The following SAXO1 variants were observed in gnomAD, a reference collection of about 807,000 sequenced individuals.
SAXO1 encodes stabilizer of axonemal microtubules 1, also known as 4930500O09Rik.
In SAXO1, 21 loss-of-function variants were observed where a neutral mutation model predicts 17.5. The ratio of observed to expected loss-of-function variants is 1.20; its 90% CI spans 0.85 to 1.72. The LOEUF (loss-of-function observed/expected upper bound fraction) is 1.72. Ranked by LOEUF, SAXO1 falls within the 40% of genes most tolerant of loss-of-function variation. The probability of loss-of-function intolerance (pLI) is 0.00; values close to 1 mark genes in which losing one functional copy is unlikely to be tolerated. For synonymous variants in SAXO1, 274 were observed against 216.5 expected, an observed-to-expected ratio of 1.27 and a Z score of -2.33; for missense variants, 843 against 596.0, an observed-to-expected ratio of 1.41 and a Z score of -4.32.
At chr9:19,031,146 C>G (rs112795967) in intron 1 of SAXO1, among the ~76,000 whole-genome samples, 3 of 152,382 alleles carry the variant, frequency 2.0e-5, no homozygotes, top group African/African-American at 7.2e-5. Context: ...CTCTGCACCT[C>G]TTAATGAGCA....
At position 18,944,854 on chromosome 9, in the gene SAXO1, T is replaced by A. The variant is rs564736200; in HGVS notation, c.219-3015A>T. Among the ~76,000 whole-genome samples, 13 of 152,372 alleles carry A rather than the reference T, an allele frequency of 8.5e-5. No individual in the cohort carries two copies. In the East Asian group the frequency reaches 9.6e-4, roughly 11 times the overall value. ...ACAAAGGGCCATGCAACACTTTTTT[T>A]AAACCTGTTTTTAATGTTTATTTAT... On this transcript the variant is annotated intron_variant, in intron 2 of 3. Coordinates refer to ENST00000380534, the MANE Select transcript of SAXO1 (RefSeq NM_153707.4).
intron 3 of SAXO1, among the ~76,000 whole-genome samples, chr9:18,930,477 C>G (rs1344671045): frequency 2.0e-5 from 3 of 151,376 alleles, no homozygotes; most frequent in African/African-American, 4.9e-5. Context: ...CCATGTGATT[C>G]AACTGCCTTG....
intron 3 of SAXO1, among the ~76,000 whole-genome samples, chr9:18,933,887 A>G (rs1339147832): frequency 6.6e-6 from 1 of 152,170 alleles, no homozygotes; most frequent in African/African-American, 2.4e-5. Context: ...TCTACTAAAA[A>G]TACAACAAAT....
chr9:18,975,790 C>A (rs1833124713), intron 1 of SAXO1, among the ~76,000 whole-genome samples: 1 of 152,200 alleles, frequency 6.6e-6, no homozygotes, highest in South Asian at 2.1e-4. Context: ...GTAAAACATT[C>A]TTCGACCAAG....
At chr9:19,043,608 A>G (rs1040499484) in intron 1 of SAXO1, among the ~76,000 whole-genome samples, 7 of 152,052 alleles carry the variant, frequency 4.6e-5, no homozygotes, top group Non-Finnish European at 1.0e-4. Flanking sequence ...CTCTACAAAA[A>G]ATACAAAAAT....
intron 1 of SAXO1, among the ~76,000 whole-genome samples, chr9:19,029,351 C>A (rs890654337): frequency 2.0e-5 from 3 of 152,176 alleles, no homozygotes; most frequent in Admixed American, 2.0e-4. Flanking sequence ...AATGGGGGAA[C>A]TGAAGCCCAG....
rs1285959529 is a variant in SAXO1, at chr9:19,014,715, G to C, written c.38+18156C>G. Among the ~76,000 whole-genome samples, 4 of 152,080 alleles carry C rather than the reference G, an allele frequency of 2.6e-5. No individual in the cohort carries two copies. The South Asian group carries it at 8.3e-4, about 32-fold the overall frequency. ...CTCTGAGAGGGGCTTAGAGGCTCAG[G>C]AGGTCCACAGCTTTGTCACAGGTAT... is the stretch of plus-strand genomic sequence containing the variant. On this transcript the variant is annotated intron_variant, in intron 1 of 3. Coordinates refer to ENST00000380534, the MANE Select transcript of SAXO1 (RefSeq NM_153707.4).
intron 1 of SAXO1, among the ~76,000 whole-genome samples, chr9:19,000,175 CCT>C (rs1834197408): frequency 1.5e-5 from 2 of 129,058 alleles, no homozygotes; most frequent in African/African-American, 2.9e-5. Context: ...TGGCCGCCAC[CCT>C]GTCTGGGAAG....
chr9:18,995,648 C>T (rs2131852843), intron 1 of SAXO1, among the ~76,000 whole-genome samples: 1 of 152,318 alleles, frequency 6.6e-6, no homozygotes, highest in Non-Finnish European at 1.5e-5. Flanking sequence ...TGAATCTATT[C>T]ACAGAATCTA....
intron 1 of SAXO1, among the ~76,000 whole-genome samples, chr9:18,990,546 G>A (rs921572064): frequency 1.3e-5 from 2 of 152,120 alleles, no homozygotes; most frequent in Non-Finnish European, 2.9e-5. Context: ...ACTCAAGCCT[G>A]GGTGACAAAT....
At chr9:18,991,902 G>C (rs1291201544) in intron 1 of SAXO1, among the ~76,000 whole-genome samples, 1 of 152,118 alleles carries the variant, frequency 6.6e-6, no homozygotes, top group Admixed American at 6.5e-5. Context: ...ACCAAACCCT[G>C]CTTGAAGAGG....
At chr9:18,961,909 G>A (rs1832501438) in intron 1 of SAXO1, among the ~76,000 whole-genome samples, 2 of 152,136 alleles carry the variant, frequency 1.3e-5, no homozygotes, top group South Asian at 4.1e-4. Context: ...TTGAGGAATT[G>A]CCACACTGTC....
chr9:19,033,062 A>G lies in SAXO1; in HGVS notation c.-154T>C. On this transcript the variant is annotated 5_prime_UTR_variant, in exon 1 of 4. Transcript: ENST00000380534. ...GGAAAATTTAAGTGGCCCTTTTGCA[A>G]TGTCCTGTCGTCTGTTGCCCTCCTG... The G allele has an allele frequency of 1.4e-6, 1 of 714,686 alleles. No homozygotes were observed. The highest frequency in any genetic ancestry group is 2.2e-6 in the Non-Finnish European group (1 of 458,370). 44.3% of individuals were successfully genotyped at this position (714,686 alleles called of 1,614,324 possible). A position where few individuals can be genotyped will look rare whatever the true frequency, so the allele number is the denominator to read the frequency against.
At chr9:19,032,679 A>G (rs2131056180) in intron 1 of SAXO1, among the ~76,000 whole-genome samples, 192 bp downstream of exon 1, 1 of 152,312 alleles carries the variant, frequency 6.6e-6, no homozygotes, top group Non-Finnish European at 1.5e-5. Flanking sequence ...GCCCGAAAAC[A>G]GCCACATTCG....
chr9:19,003,808 C>G (rs1834380446), intron 1 of SAXO1, among the ~76,000 whole-genome samples: 1 of 152,142 alleles, frequency 6.6e-6, no homozygotes, highest in African/African-American at 2.4e-5. Flanking sequence ...AAAACCTAGG[C>G]AATATCATTC....
intron 1 of SAXO1, among the ~76,000 whole-genome samples, chr9:18,981,436 C>T (rs959945545): frequency 3.3e-5 from 5 of 152,144 alleles, no homozygotes; most frequent in African/African-American, 1.2e-4. Flanking sequence ...TCCTCCTGAC[C>T]CTTACCCCCT....
intron 3 of SAXO1, among the ~76,000 whole-genome samples, chr9:18,934,025 T>C (rs548175792): frequency 1.3e-4 from 20 of 152,192 alleles, no homozygotes; most frequent in South Asian, 2.1e-4. Flanking sequence ...CCAGCCTGAG[T>C]GACAGAGCGA....
At chr9:19,012,758 A>T (rs1224149687) in intron 1 of SAXO1, among the ~76,000 whole-genome samples, 1 of 152,222 alleles carries the variant, frequency 6.6e-6, no homozygotes, top group African/African-American at 2.4e-5. Context: ...TGACCAGCAA[A>T]AATGAGTTTC....
chr9:18,928,501 G>A lies in SAXO1; in HGVS notation c.976C>T (p.Leu326Phe). The A allele has an allele frequency of 6.2e-7, 1 of 1,613,912 alleles. No homozygotes were observed. The highest frequency in any genetic ancestry group is 8.5e-7 in the Non-Finnish European group (1 of 1,179,910). Residue 326 changes from leucine (L) to phenylalanine (F), a missense_variant, in exon 4 of 4, where the codon CTT becomes TTT. By Grantham distance (22) the Leu-to-Phe change is conservative (BLOSUM62 0). Transcript: ENST00000380534. ...GAPAQSCRPA[L>F]QIKKCGRFEG... is the part of the protein sequence containing the mutation. ...AAGCGACCGCACTTCTTAATCTGAAGTGCAGGTCGGCAGGACTGAGCTGGG... is the reference window on the plus strand; with the variant it reads ...AAGCGACCGCACTTCTTAATCTGAAATGCAGGTCGGCAGGACTGAGCTGGG...
Sources: allele counts gnomAD v4.1 joint callset (sites outside exome capture counted in the v4.1 genomes callset), GRCh38; gene constraint gnomAD v4.1.1; transcripts MANE v1.5; gene names NCBI Gene and HGNC (gene_info 2026-07-23, HGNC 2026-07-21).